Variants in MAP4K3 observed in about 807,000 individuals in gnomAD.
MAP4K3 encodes the protein MAPK/ERK kinase kinase kinase 3.
Under a neutral mutation model 143.5 loss-of-function variants are expected in MAP4K3, and 94 were observed. The ratio of observed to expected loss-of-function variants is 0.65; its 90% CI spans 0.55 to 0.78. The LOEUF is 0.78. Among genes scored for constraint, MAP4K3 ranks in the 30% least tolerant of loss-of-function variants. The probability of loss-of-function intolerance (pLI) is 0.00; values close to 1 mark genes in which losing one functional copy is unlikely to be tolerated. For missense variants in MAP4K3, 1,077 were observed against 1,068.1 expected (o/e 1.01, Z -0.12); for synonymous variants, 416 against 347.2 (o/e 1.20, Z -2.20).
chr2:39,413,325 A>T (rs1432332209), intron 1 of MAP4K3, among the ~76,000 whole-genome samples: 2 of 152,174 alleles, frequency 1.3e-5, no homozygotes, highest in Non-Finnish European at 2.9e-5. Flanking sequence ...CATTTACCTA[A>T]TTAACGAGGG....
chr2:39,417,425 T>G (rs960579052), intron 1 of MAP4K3, among the ~76,000 whole-genome samples: 21 of 152,218 alleles, frequency 1.4e-4, no homozygotes, highest in African/African-American at 5.1e-4. Flanking sequence ...TTCACCGTGT[T>G]AGCCAGGATG....
At chr2:39,420,710 G>A (rs991376689) in intron 1 of MAP4K3, among the ~76,000 whole-genome samples, 4 of 152,002 alleles carry the variant, frequency 2.6e-5, no homozygotes, top group African/African-American at 9.7e-5. Context: ...ATCATGCCCG[G>A]CCGCCATGAA....
At chr2:39,320,597 T>A (rs1330039409) in intron 12 of MAP4K3, among the ~76,000 whole-genome samples, 1 of 151,848 alleles carries the variant, frequency 6.6e-6, no homozygotes, top group African/African-American at 2.4e-5. Flanking sequence ...CTATGTGCAC[T>A]GCCAACTTCA....
At chr2:39,254,425 T>C (rs1680267421) in intron 32 of MAP4K3, 25 bp downstream of exon 32, 3 of 1,572,484 alleles carry the variant, frequency 1.9e-6, no homozygotes, top group Non-Finnish European at 2.6e-6. Flanking sequence ...GTCTTGTGAC[T>C]ACTTAATGGA....
chr2:39,250,780 G>T (rs1049389116), intron 33 of MAP4K3, 75 bp from the exon 34 acceptor site: 13 of 1,162,258 alleles, frequency 1.1e-5, no homozygotes, highest in Non-Finnish European at 1.4e-5. Context: ...ATTTTCCATT[G>T]CTTCTCCAAT....
intron 1 of MAP4K3, among the ~76,000 whole-genome samples, chr2:39,415,980 A>AAAATATATATAT (rs1553318573): frequency 8.1e-4 from 12 of 14,750 alleles, no homozygotes; most frequent in East Asian, 2.5e-3. Flanking sequence ...AAAAAAAAAA[A>AAAATATATATAT]ATATATATAT....
At chr2:39,333,281 G>A (rs1683739150) in intron 7 of MAP4K3, among the ~76,000 whole-genome samples, 1 of 151,954 alleles carries the variant, frequency 6.6e-6, no homozygotes, top group African/African-American at 2.4e-5. Context: ...TGGGTTTAGA[G>A]GTGAAAGAAT....
chr2:39,328,204 G>T (rs958498261), intron 8 of MAP4K3, among the ~76,000 whole-genome samples: 1 of 152,110 alleles, frequency 6.6e-6, no homozygotes, highest in African/African-American at 2.4e-5. Context: ...GGTGGCGCAT[G>T]CCTGTGGTTC....
At chr2:39,364,865 C>CA (rs70957105) in intron 2 of MAP4K3, among the ~76,000 whole-genome samples, 82,212 of 114,568 alleles carry the variant, frequency 0.72, 30,753 homozygotes, top group Non-Finnish European at 0.84. Context: ...AACTCTGTCT[C>CA]AAAAAAAAAA....
intron 31 of MAP4K3, among the ~76,000 whole-genome samples, chr2:39,257,793 T>C (rs1680405278): frequency 8.8e-6 from 1 of 113,132 alleles, no homozygotes; most frequent in South Asian, 2.7e-4. Flanking sequence ...AGACACTCCA[T>C]CTCAAAAAAA....
At chr2:39,410,202 G>A (rs1472468705) in intron 1 of MAP4K3, among the ~76,000 whole-genome samples, 3 of 152,182 alleles carry the variant, frequency 2.0e-5, no homozygotes, top group Non-Finnish European at 2.9e-5. Flanking sequence ...AGCAACAGCT[G>A]ATTTCTAGTT....
chr2:39,295,115 TA>T (rs1043420056), intron 16 of MAP4K3, among the ~76,000 whole-genome samples: 4 of 151,852 alleles, frequency 2.6e-5, no homozygotes, highest in South Asian at 2.1e-4. Context: ...ATTTTTTTCA[TA>T]AAAAAATGTT....
intron 23 of MAP4K3, among the ~76,000 whole-genome samples, chr2:39,279,612 C>A (rs924456858): frequency 1.3e-5 from 2 of 152,048 alleles, no homozygotes; most frequent in Non-Finnish European, 1.5e-5. Context: ...GGTCACTAAA[C>A]CCCGGATCCT....
intron 3 of MAP4K3, among the ~76,000 whole-genome samples, chr2:39,347,629 T>TTGTAG (rs1482704324): frequency 6.6e-6 from 1 of 152,134 alleles, no homozygotes; most frequent in African/African-American, 2.4e-5. Context: ...TTAAATTAAC[T>TTGTAG]TGTAGTGTAG....
At chr2:39,394,920 T>A (rs767879176) in intron 1 of MAP4K3, among the ~76,000 whole-genome samples, 1 of 152,198 alleles carries the variant, frequency 6.6e-6, no homozygotes, top group Admixed American at 6.5e-5. Context: ...CAGAAGGAAT[T>A]TGAATCCATC....
intron 3 of MAP4K3, among the ~76,000 whole-genome samples, chr2:39,348,276 C>A (rs1345993130): frequency 6.6e-6 from 1 of 151,838 alleles, no homozygotes; most frequent in Non-Finnish European, 1.5e-5. Context: ...ATTCTCTTTT[C>A]TTCCTTTGCT....
At chr2:39,311,818 A>C (rs1682946680) in intron 13 of MAP4K3, among the ~76,000 whole-genome samples, 1 of 152,154 alleles carries the variant, frequency 6.6e-6, no homozygotes, top group Non-Finnish European at 1.5e-5. Context: ...TGGATTCCTG[A>C]CTCTCAAAAT....
chr2:39,360,866 C>T (rs999376187), intron 2 of MAP4K3, among the ~76,000 whole-genome samples: 2 of 152,110 alleles, frequency 1.3e-5, no homozygotes, highest in Non-Finnish European at 2.9e-5. Flanking sequence ...AAGTCCCTCC[C>T]ATAACATGTG....
chr2:39,255,958 G>A (rs1269692451), intron 31 of MAP4K3, among the ~76,000 whole-genome samples: 2 of 152,070 alleles, frequency 1.3e-5, no homozygotes, highest in East Asian at 1.9e-4. Context: ...TTCTACCCAT[G>A]GACATGATGT....
Sources: gnomAD v4.1 joint callset for allele counts (sites outside exome capture counted in the v4.1 genomes callset) on GRCh38, gnomAD v4.1.1 for gene constraint, MANE v1.5 for transcripts, NCBI Gene and HGNC (gene_info 2026-07-23, HGNC 2026-07-21) for gene names.